Variants in ZNF704 observed in about 807,000 individuals in gnomAD.
The protein encoded by ZNF704 is zinc finger protein 704.
ZNF704 carries 10 observed loss-of-function variants against 44.7 expected under a neutral mutation model. The ratio of observed to expected loss-of-function variants is 0.22; its 90% confidence interval spans 0.14 to 0.38. ZNF704 has a LOEUF of 0.38. ZNF704 is among the 10% of genes least tolerant of loss of function. The pLI is 1.00. For missense variants in ZNF704, 390 were observed against 545.5 expected (o/e 0.71, Z 2.84); for synonymous variants, 211 against 207.6 (o/e 1.02, Z -0.14).
At chr8:80,720,216 C>T (rs1029293717) in intron 2 of ZNF704, among the ~76,000 whole-genome samples, 7 of 152,190 alleles carry the variant, frequency 4.6e-5, no homozygotes, top group African/African-American at 1.7e-4. Flanking sequence ...GACAAGCTCC[C>T]TTGTACGGAG....
intron 7 of ZNF704, among the ~76,000 whole-genome samples, chr8:80,659,372 GA>G (rs1211726764): frequency 6.6e-6 from 1 of 152,142 alleles, no homozygotes; most frequent in East Asian, 1.9e-4. Context: ...ATGAACAGTT[GA>G]AACTCTCTTA....
At chr8:80,819,444 A>G (rs910054777) in intron 2 of ZNF704, among the ~76,000 whole-genome samples, 21 of 152,270 alleles carry the variant, frequency 1.4e-4, no homozygotes, top group Admixed American at 1.1e-3. Flanking sequence ...AGGTCTTTTA[A>G]CATATACAAT....
At chr8:80,765,516 T>A (rs1440628696) in intron 2 of ZNF704, among the ~76,000 whole-genome samples, 1 of 152,106 alleles carries the variant, frequency 6.6e-6, no homozygotes, top group Non-Finnish European at 1.5e-5. Context: ...ATAAAGACAA[T>A]AACAAGGTAA....
At chr8:80,859,748 C>T (rs997327633) in intron 1 of ZNF704, among the ~76,000 whole-genome samples, 9 of 152,192 alleles carry the variant, frequency 5.9e-5, no homozygotes, top group African/African-American at 2.2e-4. Context: ...ACTTTCACTC[C>T]ACAGAATGAC....
At chr8:80,730,297 G>A (rs992293174) in intron 2 of ZNF704, among the ~76,000 whole-genome samples, 2 of 151,982 alleles carry the variant, frequency 1.3e-5, no homozygotes, top group African/African-American at 4.8e-5. Flanking sequence ...CAGCACTTTG[G>A]GAGGCCGAAG....
chr8:80,838,959 A>G (rs986643948), intron 1 of ZNF704, among the ~76,000 whole-genome samples: 1 of 152,194 alleles, frequency 6.6e-6, no homozygotes, highest in Admixed American at 6.5e-5. Context: ...ACAGACCAGC[A>G]GTAGTGGGAG....
chr8:80,736,464 G>C (rs904172925), intron 2 of ZNF704, among the ~76,000 whole-genome samples: 9 of 152,144 alleles, frequency 5.9e-5, no homozygotes, highest in African/African-American at 1.9e-4. Context: ...ATTTTTAGTA[G>C]AGACAGGGTT....
intron 2 of ZNF704, among the ~76,000 whole-genome samples, chr8:80,815,636 T>G (rs969018612): frequency 1.3e-5 from 2 of 152,234 alleles, no homozygotes; most frequent in Non-Finnish European, 2.9e-5. Context: ...ATGGTGATGA[T>G]AAGGAACAAA....
chr8:80,766,592 C>A (rs2131725676), intron 2 of ZNF704, among the ~76,000 whole-genome samples: 2 of 152,222 alleles, frequency 1.3e-5, no homozygotes, highest in East Asian at 3.9e-4. Context: ...TATGTGGATC[C>A]TTTATATTGT....
intron 2 of ZNF704, among the ~76,000 whole-genome samples, chr8:80,729,855 C>G (rs781579436): frequency 6.6e-6 from 1 of 152,040 alleles, no homozygotes; most frequent in Non-Finnish European, 1.5e-5. Flanking sequence ...GAAATCTCAC[C>G]CAAGGTGAAT....
Position 80,810,104 on chromosome 8 carries a change from T to C in ZNF704, c.221+11270A>G, listed in dbSNP as rs77493420. 1.5e-3 allele frequency among the ~76,000 whole-genome samples: 231 copies of C among 152,344 alleles called. 2 individuals are homozygous for C. The East Asian group carries it at 0.042, about 27-fold the overall frequency. The stretch of plus-strand genomic sequence containing the variant: ...GATTTCTACATCTGCCTCTTAATTA[T>C]TCTTTCTGCTTTCAGTGTCAACACT... On this transcript the variant is annotated intron_variant, in intron 2 of 8. Coordinates refer to ENST00000327835, the MANE Select transcript of ZNF704 (RefSeq NM_001033723.3).
chr8:80,808,760 A>G (rs1808034649), intron 2 of ZNF704, among the ~76,000 whole-genome samples: 1 of 152,244 alleles, frequency 6.6e-6, no homozygotes, highest in Non-Finnish European at 1.5e-5. Context: ...GCATGTGCAA[A>G]TAATTGAGGT....
intron 3 of ZNF704, among the ~76,000 whole-genome samples, chr8:80,687,804 G>C (rs185211270): frequency 3.3e-5 from 5 of 152,102 alleles, no homozygotes; most frequent in African/African-American, 9.7e-5. Flanking sequence ...TGGGTTTATC[G>C]ACTACAGTAT....
intron 7 of ZNF704, 63 bp from the exon 8 acceptor site, chr8:80,643,192 C>G: frequency 7.8e-7 from 1 of 1,279,998 alleles, no homozygotes. Flanking sequence ...GTTAGTTAAC[C>G]TTTGCTGTGT....
intron 2 of ZNF704, among the ~76,000 whole-genome samples, chr8:80,727,235 T>C (rs1207290738): frequency 1.3e-5 from 2 of 152,160 alleles, no homozygotes; most frequent in Non-Finnish European, 2.9e-5. Flanking sequence ...CACACATTTC[T>C]CCCTTGCTAT....
chr8:80,669,333 A>G (rs2131614514), intron 5 of ZNF704, among the ~76,000 whole-genome samples: 1 of 152,312 alleles, frequency 6.6e-6, no homozygotes, highest in South Asian at 2.1e-4. Context: ...TGAGGAGCAG[A>G]AGGAGGGTGT....
chr8:80,778,702 T>C (rs574972852), intron 2 of ZNF704, among the ~76,000 whole-genome samples: 16 of 152,334 alleles, frequency 1.1e-4, no homozygotes, highest in East Asian at 5.8e-4. Context: ...TAATGTCTTT[T>C]GCAGGATCAT....
At chr8:80,688,209 GA>G (rs1321751673) in intron 3 of ZNF704, among the ~76,000 whole-genome samples, 1 of 148,850 alleles carries the variant, frequency 6.7e-6, no homozygotes, top group Non-Finnish European at 1.5e-5. Context: ...TCCTGTTTCA[GA>G]AAAAAAGTTG....
intron 1 of ZNF704, among the ~76,000 whole-genome samples, chr8:80,842,130 T>C (rs930768421): frequency 6.6e-6 from 1 of 152,160 alleles, no homozygotes; most frequent in African/African-American, 2.4e-5. Context: ...CCAGTATTCC[T>C]GGCTAAACTA....
Sources: gnomAD v4.1 joint callset for allele counts (sites outside exome capture counted in the v4.1 genomes callset) on GRCh38, gnomAD v4.1.1 for gene constraint, MANE v1.5 for transcripts, NCBI Gene and HGNC (gene_info 2026-07-23, HGNC 2026-07-21) for gene names.